CDK13: variants seen among roughly 807,000 people sequenced by gnomAD.
CDK13 encodes cyclin-dependent kinase 13.
Under a neutral mutation model 137.6 loss-of-function variants are expected in CDK13, and 40 were observed. The observed-to-expected ratio is 0.29, with a 90% confidence interval of 0.23 to 0.38. The LOEUF is 0.38. CDK13 is among the 10% of genes least tolerant of loss of function. The probability of loss-of-function intolerance (pLI) is 1.00; values close to 1 mark genes in which losing one functional copy is unlikely to be tolerated. For synonymous variants in CDK13, 869 were observed against 760.1 expected, an observed-to-expected ratio of 1.14 and a Z score of -2.36; for missense variants, 1,704 against 1,951.8, an observed-to-expected ratio of 0.87 and a Z score of 2.39.
chr7:39,969,279 T>A (rs1301316907), intron 1 of CDK13, among the ~76,000 whole-genome samples: 4 of 152,320 alleles, frequency 2.6e-5, no homozygotes, highest in Non-Finnish European at 4.4e-5. Context: ...CCCAAAGTGC[T>A]GGGATTACAG....
At chr7:39,976,317 T>TCACA (rs1240166684) in intron 1 of CDK13, among the ~76,000 whole-genome samples, 14 of 63,820 alleles carry the variant, frequency 2.2e-4, no homozygotes, top group African/African-American at 5.2e-4. Context: ...TCTCTCTCTC[T>TCACA]CTCTCTCACA....
chr7:40,051,093 T>C (rs780018852), intron 7 of CDK13, among the ~76,000 whole-genome samples: 3 of 152,166 alleles, frequency 2.0e-5, no homozygotes, highest in Non-Finnish European at 4.4e-5. Context: ...TGTAGAAATT[T>C]TGAGTTTAGA....
intron 7 of CDK13, among the ~76,000 whole-genome samples, chr7:40,054,500 G>T (rs1385376528): frequency 6.6e-6 from 1 of 151,440 alleles, no homozygotes; most frequent in East Asian, 1.9e-4. Context: ...GCGCAGTCTC[G>T]GCTCAACCCA....
rs540716501 is a variant in CDK13 at position 40,089,239 on chromosome 7, A to ATGG, written c.3235+908_3235+909insTGG. Among the ~76,000 whole-genome samples, 8 of 151,754 alleles carry ATGG rather than the reference A, an allele frequency of 5.3e-5. No individual in the cohort carries two copies. In the South Asian group the frequency reaches 1.7e-3, roughly 32 times the overall value. On this transcript the variant is annotated intron_variant, in intron 12 of 13. Transcript: ENST00000181839. Reference sequence around the variant, plus strand: ...CACTTGAGCCCATGAGTTCGAGACCAGCCCAGACAACTTCCTGAAACTCTG... The same window carrying ATGG: ...CACTTGAGCCCATGAGTTCGAGACCATGGGCCCAGACAACTTCCTGAAACTCTG...
intron 5 of CDK13, among the ~76,000 whole-genome samples, chr7:40,006,123 T>TA (rs1251989674): frequency 6.6e-6 from 1 of 152,260 alleles, no homozygotes; most frequent in Non-Finnish European, 1.5e-5. Context: ...TCATCTCTTT[T>TA]AATCACTTTG....
chr7:39,970,145 T>G (rs778476128), intron 1 of CDK13, among the ~76,000 whole-genome samples: 11 of 151,176 alleles, frequency 7.3e-5, no homozygotes, highest in Non-Finnish European at 1.5e-4. Context: ...GCTGGGATTA[T>G]AGGCATGTGC....
intron 1 of CDK13, among the ~76,000 whole-genome samples, chr7:39,971,867 T>G (rs1464817577): frequency 1.3e-5 from 2 of 151,814 alleles, no homozygotes; most frequent in African/African-American, 4.8e-5. Flanking sequence ...AGAGCAAGAC[T>G]CCATCTCAAA....
At chr7:40,087,645 T>C (rs915464413) in intron 11 of CDK13, among the ~76,000 whole-genome samples, 1 of 143,636 alleles carries the variant, frequency 7.0e-6, no homozygotes, top group Non-Finnish European at 1.5e-5. Flanking sequence ...ACCTCCCGGG[T>C]TCATGCCATT....
At chr7:39,968,114 G>A (rs529331188) in intron 1 of CDK13, among the ~76,000 whole-genome samples, 2 of 152,252 alleles carry the variant, frequency 1.3e-5, no homozygotes, top group African/African-American at 4.8e-5. Flanking sequence ...GATTTGAGTT[G>A]CTAATATATT....
At chr7:40,018,566 A>G (rs542607703) in intron 5 of CDK13, among the ~76,000 whole-genome samples, 3 of 152,198 alleles carry the variant, frequency 2.0e-5, no homozygotes, top group Non-Finnish European at 4.4e-5. Flanking sequence ...ACCATGGAAT[A>G]CTACTCAGCC....
intron 9 of CDK13, chr7:40,066,580 C>CT (rs564288353): frequency 5.9e-5 from 9 of 152,294 alleles, no homozygotes; most frequent in Non-Finnish European, 1.2e-4. Context: ...TTTACAAAAA[C>CT]TTTAAGACAT....
At chr7:40,012,569 C>T (rs1784916752) in intron 5 of CDK13, among the ~76,000 whole-genome samples, 1 of 152,010 alleles carries the variant, frequency 6.6e-6, no homozygotes, top group African/African-American at 2.4e-5. Context: ...CATTGCACTT[C>T]AGCCTGGGTG....
chr7:39,986,393 A>C (rs1304734795), intron 1 of CDK13: 1 of 152,142 alleles, frequency 6.6e-6, no homozygotes, highest in Admixed American at 6.5e-5. Flanking sequence ...AATTTTTGAG[A>C]AGTGAATGGC....
intron 1 of CDK13, among the ~76,000 whole-genome samples, chr7:39,965,556 C>T (rs1479586893): frequency 6.6e-6 from 1 of 152,126 alleles, no homozygotes; most frequent in Admixed American, 6.6e-5. Context: ...GCTGATGGGT[C>T]TTGACTCTTT....
intron 11 of CDK13, among the ~76,000 whole-genome samples, chr7:40,086,701 C>T (rs113820450): frequency 1.1e-4 from 17 of 151,940 alleles, no homozygotes; most frequent in African/African-American, 3.6e-4. Flanking sequence ...TTTGAAAACT[C>T]GTCTGTAGCA....
intron 12 of CDK13, among the ~76,000 whole-genome samples, chr7:40,091,314 T>C (rs921491372): frequency 6.6e-5 from 10 of 151,166 alleles, no homozygotes; most frequent in Non-Finnish European, 1.0e-4. Context: ...TGCCACTGCA[T>C]TCCAGCCTGG....
chr7:40,039,322 G>A (rs530446043), intron 5 of CDK13, among the ~76,000 whole-genome samples: 12 of 152,028 alleles, frequency 7.9e-5, no homozygotes, highest in Non-Finnish European at 1.5e-4. Context: ...GTGCAGGAGT[G>A]CAGTGGCACG....
At chr7:39,956,338 C>G (rs373325064) in intron 1 of CDK13, among the ~76,000 whole-genome samples, 236 of 152,312 alleles carry the variant, frequency 1.5e-3, no homozygotes, top group African/African-American at 5.6e-3. Context: ...TGCTCCTTCT[C>G]TGACCAAACT....
chr7:39,951,029 G>A lies in CDK13; in HGVS notation c.388G>A (p.Gly130Ser), dbSNP rs2116053049. The A allele has an allele frequency of 7.7e-7, 1 of 1,294,972 alleles. No individual in the cohort carries two copies. Among genetic ancestry groups the A allele is most frequent in the Non-Finnish European group, 9.8e-7 (1 of 1,023,988 alleles). 80.2% of individuals were successfully genotyped at this position (1,294,972 alleles called of 1,614,324 possible). ...VFSLPQPQQDGGGGASSGGGV... is the reference protein window; with the variant it reads ...VFSLPQPQQDSGGGASSGGGV... ...CTCGCTGCCCCAGCCGCAGCAGGAC[G>A]GCGGTGGCGGTGCTAGTAGCGGCGG... The change falls in exon 1 of 14, where the codon GGC (glycine) becomes AGC (serine). Residue 130 changes from glycine (G) to serine (S), a missense_variant. Gly to Ser is a moderately conservative substitution (Grantham distance 56, BLOSUM62 0). This residue lies in a region of CDK13 where 1,051 missense variants were observed against 931.0 expected (regional missense o/e 1.13). Coordinates refer to ENST00000181839, the MANE Select transcript of CDK13 (RefSeq NM_003718.5).
Sources: allele counts gnomAD v4.1 joint callset (sites outside exome capture counted in the v4.1 genomes callset), GRCh38; gene constraint gnomAD v4.1.1; regional missense constraint gnomAD v4.1.1; transcripts MANE v1.5; gene names NCBI Gene and HGNC (gene_info 2026-07-23, HGNC 2026-07-21).